Variants in MYRFL observed in about 807,000 individuals in gnomAD.
MYRFL encodes myelin regulatory factor-like protein.
MYRFL carries 88 observed loss-of-function variants against 109.4 expected under a neutral mutation model. The ratio of observed to expected loss-of-function variants is 0.80; its 90% CI spans 0.68 to 0.96. The LOEUF is 0.96. Among genes scored for constraint, MYRFL ranks in the 40% least tolerant of loss-of-function variants. MYRFL has a pLI of 0.00. For missense variants in MYRFL, 957 were observed against 954.9 expected, an observed-to-expected ratio of 1.00 and a Z score of -0.03; for synonymous variants, 324 against 320.9, an observed-to-expected ratio of 1.01 and a Z score of -0.10.
intron 6 of MYRFL, 30 bp downstream of exon 6, chr12:69,887,000 G>A: frequency 6.5e-7 from 1 of 1,533,976 alleles, no homozygotes; most frequent in Non-Finnish European, 8.7e-7. Flanking sequence ...TGGAGAGTGA[G>A]GGGAGAAAGA....
chr12:69,826,093 A>G (rs1035478748), intron 1 of MYRFL, among the ~76,000 whole-genome samples: 15 of 152,072 alleles, frequency 9.9e-5, no homozygotes, highest in African/African-American at 2.9e-4. Flanking sequence ...TATATTTAAA[A>G]GTTGAATGGA....
intron 1 of MYRFL, among the ~76,000 whole-genome samples, chr12:69,827,060 A>G (rs552003419): frequency 4.1e-4 from 62 of 152,154 alleles, no homozygotes; most frequent in Non-Finnish European, 1.0e-4. Flanking sequence ...CTTGAATCTG[A>G]TATTCTAATG....
chr12:69,854,351 GA>G (rs1884135970), intron 1 of MYRFL, among the ~76,000 whole-genome samples: 4 of 57,550 alleles, frequency 7.0e-5, no homozygotes, highest in Non-Finnish European at 1.1e-4. Flanking sequence ...GAGGGGGAGG[GA>G]GAGGGAGAGG....
intron 11 of MYRFL, 41 bp downstream of exon 11, chr12:69,903,885 CCA>C (rs1954270993): frequency 6.8e-7 from 1 of 1,475,084 alleles, no homozygotes; most frequent in East Asian, 2.5e-5. Flanking sequence ...CTCTGACACC[CCA>C]GTCAGGTTTG....
chr12:69,938,530 C>A (rs139833257), intron 19 of MYRFL, among the ~76,000 whole-genome samples: 1 of 151,970 alleles, frequency 6.6e-6, no homozygotes, highest in Non-Finnish European at 1.5e-5. Flanking sequence ...CACTAGTGGC[C>A]CCATAAGATA....
intron 10 of MYRFL, 127 bp from the exon 11 acceptor site, chr12:69,903,517 A>T (rs980011735): frequency 6.7e-5 from 72 of 1,072,552 alleles, no homozygotes; most frequent in Non-Finnish European, 8.8e-5. Context: ...AGAATGTCCC[A>T]CTCAATACAG....
At position 69,891,441 on chromosome 12, in the gene MYRFL, C is replaced by G. The variant is rs188163413; in HGVS notation, c.903+275C>G. ...AGCTGGAGCTCAAATGGGGCTCTAA[C>G]TGACAGGGCTTAGCTCTTCTCCATG... On this transcript the variant is annotated intron_variant, in intron 7 of 24. Coordinates refer to ENST00000552032, the MANE Select transcript of MYRFL (RefSeq NM_182530.3). 9.1e-4 allele frequency among the ~76,000 whole-genome samples: 138 copies of G among 152,304 alleles called. 2 individuals are homozygous for G. The highest frequency in any genetic ancestry group is 2.9e-3 in the African/African-American group (120 of 41,562).
intron 1 of MYRFL, among the ~76,000 whole-genome samples, chr12:69,844,690 C>T (rs747221172): frequency 6.6e-6 from 1 of 152,180 alleles, no homozygotes; most frequent in Non-Finnish European, 1.5e-5. Context: ...TGTGTAATCA[C>T]TTGGCCTTAT....
At chr12:69,858,998 T>G (rs561136687) in intron 2 of MYRFL, among the ~76,000 whole-genome samples, 2 of 152,096 alleles carry the variant, frequency 1.3e-5, no homozygotes, top group East Asian at 1.9e-4. Flanking sequence ...TCCCTCTGTA[T>G]GTGGCTTTAG....
chr12:69,910,000 C>A lies in MYRFL; in HGVS notation c.1415C>A (p.Ala472Asp). Residue 472 changes from alanine (A) to aspartate (D), a missense_variant, in exon 12 of 25, where the codon GCC becomes GAC. Transcript: ENST00000552032. The stretch of plus-strand genomic sequence containing the variant: ...ACGAATGAACAGCTGAAAAGAATAG[C>A]CCAAATGAGAATTGTTGAATATGAC... ...VDTNEQLKRI[A>D]QMRIVEYDYK... 2 of 1,533,898 alleles carry A rather than the reference C, an allele frequency of 1.3e-6. No individual in the cohort carries two copies. Among genetic ancestry groups the A allele is most frequent in the South Asian group, 1.2e-5 (1 of 83,528 alleles).
At chr12:69,938,931 G>A (rs2087761) in intron 19 of MYRFL, among the ~76,000 whole-genome samples, 6 of 152,046 alleles carry the variant, frequency 3.9e-5, no homozygotes, top group Non-Finnish European at 2.9e-5. Context: ...AAGGGGTGAC[G>A]GATGGCACCT....
chr12:69,892,579 A>G lies in MYRFL; in HGVS notation c.904-1185A>G, dbSNP rs557466588. ...GCATGAGCCATTGTGCCTGGCCTAC[A>G]TATTTTATTCTGATAGCTAACCTGG... On this transcript the variant is annotated intron_variant, in intron 7 of 24. Transcript: ENST00000552032. Among the ~76,000 whole-genome samples, 7 of 152,314 alleles carry G rather than the reference A, an allele frequency of 4.6e-5. No individual in the cohort carries two copies. In the East Asian group the frequency reaches 1.2e-3, roughly 25 times the overall value.
At chr12:69,931,355 A>G (rs1339808510) in intron 15 of MYRFL, among the ~76,000 whole-genome samples, 2 of 152,134 alleles carry the variant, frequency 1.3e-5, no homozygotes, top group Non-Finnish European at 2.9e-5. Context: ...AACAGTATAA[A>G]CCATTGACTT....
intron 1 of MYRFL, among the ~76,000 whole-genome samples, chr12:69,838,512 A>G (rs1015475544): frequency 2.0e-5 from 3 of 152,242 alleles, no homozygotes; most frequent in African/African-American, 7.2e-5. Context: ...GTCATTTAAA[A>G]GAAATTGTCA....
At chr12:69,921,957 C>T (rs1345346673) in intron 13 of MYRFL, among the ~76,000 whole-genome samples, 1 of 151,896 alleles carries the variant, frequency 6.6e-6, no homozygotes, top group Non-Finnish European at 1.5e-5. Context: ...TTGGCTTGAG[C>T]TAAATCATAA....
intron 2 of MYRFL, among the ~76,000 whole-genome samples, chr12:69,877,498 T>C (rs17225729): frequency 0.21 from 31,843 of 152,096 alleles, 3,403 homozygotes; most frequent in South Asian, 0.29. Context: ...GCAGTCTTGG[T>C]TGTGTTTTGT....
At chr12:69,926,104 C>CTTG (rs1955065173) in intron 13 of MYRFL, among the ~76,000 whole-genome samples, 1 of 101,254 alleles carries the variant, frequency 9.9e-6, no homozygotes, top group African/African-American at 4.1e-5. Flanking sequence ...TTCTGACTTT[C>CTTG]TTTCTTCTTC....
At position 69,930,083 on chromosome 12, in the gene MYRFL, G is replaced by A. The variant is rs975358037; in HGVS notation, c.1830+2335G>A. ...CTGCTAACAGATCTGAGCTCTTCCT[G>A]TGAGGTTGACTTTTCCTTCCATGCC... On this transcript the variant is annotated intron_variant, in intron 15 of 24. Coordinates refer to ENST00000552032, the MANE Select transcript of MYRFL (RefSeq NM_182530.3). 3.9e-5 allele frequency among the ~76,000 whole-genome samples: 6 copies of A among 152,274 alleles called. No homozygotes were observed. The East Asian group carries it at 5.8e-4, about 15-fold the overall frequency.
In MYRFL at chr12:69,844,213, C is replaced by T. The variant is rs566358871; in HGVS notation, c.47-11067C>T. ...AAGCCAGTTACTGCAGGGATCATCT[C>T]TCCTTATTCATTAAGGCGTTTGGGC... On this transcript the variant is annotated intron_variant, in intron 1 of 24. Coordinates refer to ENST00000552032, the MANE Select transcript of MYRFL (RefSeq NM_182530.3). Among the ~76,000 whole-genome samples the T allele has an allele frequency of 2.6e-5, 4 of 152,268 alleles. 1 individual carries two copies. The South Asian group carries it at 8.3e-4, about 32-fold the overall frequency.
Sources: gnomAD v4.1 joint callset for allele counts (sites outside exome capture counted in the v4.1 genomes callset) on GRCh38, gnomAD v4.1.1 for gene constraint, MANE v1.5 for transcripts, NCBI Gene and HGNC (gene_info 2026-07-23, HGNC 2026-07-21) for gene names.